The following NELL2 variants were observed in gnomAD, a reference collection of about 807,000 sequenced individuals.
NELL2 encodes protein kinase C-binding protein NELL2.
A neutral mutation model predicts 109.6 loss-of-function variants in NELL2; 41 were observed. The observed-to-expected ratio is 0.37, with a 90% confidence interval of 0.29 to 0.49. The LOEUF (loss-of-function observed/expected upper bound fraction) is 0.49. Among genes scored for constraint, NELL2 ranks in the 20% least tolerant of loss-of-function variants. The probability of loss-of-function intolerance (pLI) is 0.98; values close to 1 mark genes in which losing one functional copy is unlikely to be tolerated. For missense variants in NELL2, 900 were observed against 1,008.3 expected (o/e 0.89, Z 1.45); for synonymous variants, 355 against 344.7 (o/e 1.03, Z -0.33).
At chr12:44,526,071 G>T (rs1592068853) in intron 16 of NELL2, among the ~76,000 whole-genome samples, 1 of 152,102 alleles carries the variant, frequency 6.6e-6, no homozygotes, top group Non-Finnish European at 1.5e-5. Flanking sequence ...GAGCTACTCA[G>T]GGCCCAGGTA....
Position 44,529,979 on chromosome 12 carries a change from T to C in NELL2, c.1804+2602A>G, listed in dbSNP as rs192089728. Among the ~76,000 whole-genome samples, 333 of 152,296 alleles carry C rather than the reference T, an allele frequency of 2.2e-3. 1 individual carries two copies. The highest frequency in any genetic ancestry group is 3.7e-3 in the Non-Finnish European group (253 of 68,034). ...AAAGATGGCCGCCACTCCTGACTCT[T>C]TGAACACTGATAGGAATGATGCAGT... is the stretch of plus-strand genomic sequence containing the variant. On this transcript the variant is annotated intron_variant, in intron 16 of 19. Coordinates refer to ENST00000429094, the MANE Select transcript of NELL2 (RefSeq NM_001145108.2).
intron 9 of NELL2, among the ~76,000 whole-genome samples, chr12:44,740,399 C>G (rs1939890365): frequency 6.6e-6 from 1 of 152,150 alleles, no homozygotes; most frequent in African/African-American, 2.4e-5. Flanking sequence ...AGAACCCTGG[C>G]ATACCTTTCT....
intron 3 of NELL2, among the ~76,000 whole-genome samples, chr12:44,787,945 A>C (rs1168406717): frequency 6.6e-6 from 1 of 152,192 alleles, no homozygotes; most frequent in Non-Finnish European, 1.5e-5. Flanking sequence ...ATAAAAGGTA[A>C]AAATTGAAAA....
intron 19 of NELL2, among the ~76,000 whole-genome samples, chr12:44,514,239 C>T: frequency 6.6e-6 from 1 of 151,808 alleles, no homozygotes; most frequent in East Asian, 1.9e-4. Context: ...TTGTTACTAG[C>T]ACACCTGCAA....
intron 15 of NELL2, among the ~76,000 whole-genome samples, chr12:44,576,615 T>C (rs1231962531): frequency 6.6e-6 from 1 of 152,060 alleles, no homozygotes; most frequent in Admixed American, 6.5e-5. Context: ...TAGTTACATA[T>C]GTATACATGT....
At chr12:44,658,988 G>A (rs908211620) in intron 13 of NELL2, among the ~76,000 whole-genome samples, 5 of 151,734 alleles carry the variant, frequency 3.3e-5, no homozygotes, top group African/African-American at 1.2e-4. Flanking sequence ...GCATGATACT[G>A]GTACCAAAAC....
chr12:44,548,489 G>T (rs1942894395), intron 15 of NELL2, among the ~76,000 whole-genome samples: 1 of 151,240 alleles, frequency 6.6e-6, no homozygotes. Context: ...AGGTTGCAGT[G>T]AGCTGACATC....
chr12:44,888,739 C>T (rs1945502279), intron 1 of NELL2, among the ~76,000 whole-genome samples: 1 of 151,484 alleles, frequency 6.6e-6, no homozygotes, highest in Non-Finnish European at 1.5e-5. Context: ...TAAGAGATGA[C>T]CTATTTGGAA....
chr12:44,744,680 C>T (rs924019247), intron 9 of NELL2, among the ~76,000 whole-genome samples: 10 of 152,144 alleles, frequency 6.6e-5, no homozygotes, highest in Admixed American at 2.6e-4. Flanking sequence ...GACAACTCTA[C>T]GCAAATAAAC....
chr12:44,705,478 T>C (rs1277389735), intron 11 of NELL2, among the ~76,000 whole-genome samples: 1 of 152,186 alleles, frequency 6.6e-6, no homozygotes, highest in African/African-American at 2.4e-5. Flanking sequence ...AGGCTGTACA[T>C]TTAAAAGTAA....
intron 13 of NELL2, among the ~76,000 whole-genome samples, chr12:44,635,005 G>A (rs932303326): frequency 9.9e-5 from 15 of 151,940 alleles, no homozygotes; most frequent in African/African-American, 3.4e-4. Flanking sequence ...ATCTCATTGC[G>A]GTTTTGATTT....
At chr12:44,802,053 G>A (rs1162403378) in intron 3 of NELL2, among the ~76,000 whole-genome samples, 1 of 151,896 alleles carries the variant, frequency 6.6e-6, no homozygotes, top group Admixed American at 6.6e-5. Flanking sequence ...TACATCACAA[G>A]GCATGTTTGT....
chr12:44,662,959 G>A (rs866684188), intron 13 of NELL2, among the ~76,000 whole-genome samples: 7 of 152,052 alleles, frequency 4.6e-5, no homozygotes, highest in African/African-American at 7.2e-5. Context: ...ATTCTGGAAC[G>A]TCTCCTACTA....
At position 44,722,453 on chromosome 12, in the gene NELL2, A is replaced by G. The variant is rs545285958; in HGVS notation, c.995-7712T>C. On this transcript the variant is annotated intron_variant, in intron 9 of 19. Transcript: ENST00000429094. ...AGTGCTGGGATTATAGGTGTGAGCC[A>G]CCACACCCCACCTAAGAAACATTTA... 3.9e-5 allele frequency among the ~76,000 whole-genome samples: 6 copies of G among 152,346 alleles called. No individual in the cohort carries two copies. The South Asian group carries it at 1.2e-3, about 32-fold the overall frequency.
chr12:44,551,269 A>G (rs1235859816), intron 15 of NELL2, among the ~76,000 whole-genome samples: 1 of 152,214 alleles, frequency 6.6e-6, no homozygotes, highest in South Asian at 2.1e-4. Flanking sequence ...TCATGCATCC[A>G]TGCACAGAAA....
chr12:44,826,953 G>C (rs759185545), intron 2 of NELL2, among the ~76,000 whole-genome samples: 3 of 152,030 alleles, frequency 2.0e-5, no homozygotes, highest in Non-Finnish European at 4.4e-5. Context: ...AGAATCATTA[G>C]GTGTTTCAAA....
chr12:44,673,399 T>C (rs1442056886), intron 12 of NELL2, among the ~76,000 whole-genome samples: 1 of 152,240 alleles, frequency 6.6e-6, no homozygotes, highest in East Asian at 1.9e-4. Context: ...TCACTGAGTA[T>C]ATTCTATGTA....
intron 9 of NELL2, among the ~76,000 whole-genome samples, chr12:44,715,861 G>C (rs1049395449): frequency 6.6e-6 from 1 of 152,134 alleles, no homozygotes; most frequent in African/African-American, 2.4e-5. Flanking sequence ...ATGAGAAATT[G>C]TCTCACTCTT....
rs187634673 is a variant in NELL2, at chr12:44,656,694, C to T, written c.1444+8790G>A. On this transcript the variant is annotated intron_variant, in intron 13 of 19. Coordinates refer to ENST00000429094, the MANE Select transcript of NELL2 (RefSeq NM_001145108.2). ...TTGTCATCGTCCTTCTCAATCTGTG[C>T]TTCTTGTGGCCCTATCTACTCTGTC... is the stretch of plus-strand genomic sequence containing the variant. Among the ~76,000 whole-genome samples, 308 of 152,286 alleles carry T rather than the reference C, an allele frequency of 2.0e-3. 2 individuals are homozygous for T. Among genetic ancestry groups the T allele is most frequent in the Admixed American group, 7.7e-3 (118 of 15,298 alleles).
Sources: allele counts gnomAD v4.1 joint callset (sites outside exome capture counted in the v4.1 genomes callset), GRCh38; gene constraint gnomAD v4.1.1; transcripts MANE v1.5; gene names NCBI Gene and HGNC (gene_info 2026-07-23, HGNC 2026-07-21).